Variants in PPM1H observed in about 807,000 individuals in gnomAD.
PPM1H encodes the protein protein phosphatase, Mg2+/Mn2+ dependent 1H, also known as protein phosphatase 1H.
A neutral mutation model predicts 54.9 loss-of-function variants in PPM1H; 27 were observed. The ratio of observed to expected loss-of-function variants is 0.49; its 90% CI spans 0.36 to 0.68. The LOEUF (loss-of-function observed/expected upper bound fraction) is 0.68. PPM1H is among the 30% of genes least tolerant of loss of function. The pLI, the probability that PPM1H is intolerant of heterozygous loss-of-function variation, is 0.00. For missense variants in PPM1H, 596 were observed against 667.8 expected, an observed-to-expected ratio of 0.89 and a Z score of 1.19; for synonymous variants, 305 against 270.8, an observed-to-expected ratio of 1.13 and a Z score of -1.24.
chr12:62,835,720 T>C (rs1352065708), intron 1 of PPM1H, among the ~76,000 whole-genome samples: 3 of 151,966 alleles, frequency 2.0e-5, no homozygotes, highest in Non-Finnish European at 4.4e-5. Flanking sequence ...CAATTTAAAG[T>C]CACTGTGTTT....
chr12:62,698,597 C>T (rs543818127), intron 6 of PPM1H, among the ~76,000 whole-genome samples: 33 of 151,992 alleles, frequency 2.2e-4, no homozygotes, highest in African/African-American at 7.7e-4. Context: ...AAAAATGGTA[C>T]CCGGAACTGA....
intron 1 of PPM1H, among the ~76,000 whole-genome samples, chr12:62,917,094 C>A (rs1440615688): frequency 6.6e-6 from 1 of 152,212 alleles, no homozygotes; most frequent in Non-Finnish European, 1.5e-5. Flanking sequence ...ATTTTCAAAA[C>A]CAAACCTCAA....
intron 5 of PPM1H, among the ~76,000 whole-genome samples, chr12:62,721,774 T>C (rs1243953753): frequency 1.3e-5 from 2 of 152,218 alleles, no homozygotes; most frequent in Admixed American, 6.5e-5. Flanking sequence ...ATGAGATTAA[T>C]TATATATCCC....
chr12:62,791,764 T>G (rs2076702483), intron 3 of PPM1H, among the ~76,000 whole-genome samples: 1 of 151,534 alleles, frequency 6.6e-6, no homozygotes, highest in Non-Finnish European at 1.5e-5. Context: ...CTACTAAAAA[T>G]ACAAAAAAAG....
intron 4 of PPM1H, among the ~76,000 whole-genome samples, chr12:62,757,668 A>G (rs1324219444): frequency 6.6e-6 from 1 of 152,216 alleles, no homozygotes; most frequent in Non-Finnish European, 1.5e-5. Flanking sequence ...CAATAGAATT[A>G]TTGAAAGGCA....
chr12:62,899,458 T>C (rs1871092155), intron 1 of PPM1H, among the ~76,000 whole-genome samples: 1 of 152,088 alleles, frequency 6.6e-6, no homozygotes, highest in Non-Finnish European at 1.5e-5. Flanking sequence ...TGAAACTAGA[T>C]GGTAAATCAA....
At chr12:62,755,248 A>G in intron 4 of PPM1H, 1 of 726,356 alleles carries the variant, frequency 1.4e-6, no homozygotes, top group Non-Finnish European at 2.5e-6. Flanking sequence ...GATCAAAGTC[A>G]ATGGATTTGG....
chr12:62,872,937 C>T (rs1042677087), intron 1 of PPM1H, among the ~76,000 whole-genome samples: 2 of 152,200 alleles, frequency 1.3e-5, no homozygotes, highest in Non-Finnish European at 2.9e-5. Flanking sequence ...ATTTTCAAAG[C>T]ATGTTTATAC....
At chr12:62,850,366 T>C (rs1869136294) in intron 1 of PPM1H, among the ~76,000 whole-genome samples, 3 of 152,124 alleles carry the variant, frequency 2.0e-5, no homozygotes, top group South Asian at 4.1e-4. Context: ...GTTTTAAACT[T>C]TCAAATTATT....
chr12:62,902,237 C>G (rs1301444518), intron 1 of PPM1H, among the ~76,000 whole-genome samples: 1 of 151,638 alleles, frequency 6.6e-6, no homozygotes, highest in Non-Finnish European at 1.5e-5. Flanking sequence ...GGTGGGCATC[C>G]CAGCTACTTG....
intron 6 of PPM1H, 114 bp downstream of exon 6, chr12:62,720,057 C>G: frequency 1.1e-6 from 1 of 895,980 alleles, no homozygotes; most frequent in Non-Finnish European, 1.8e-6. Context: ...TTACCACAAA[C>G]CCTGGTCTCT....
chr12:62,713,689 C>T (rs1017962312), intron 6 of PPM1H, among the ~76,000 whole-genome samples: 3 of 152,110 alleles, frequency 2.0e-5, no homozygotes, highest in Non-Finnish European at 2.9e-5. Flanking sequence ...CTCTTTGGGG[C>T]CAGGTTTGGT....
chr12:62,906,116 T>C (rs759157611), intron 1 of PPM1H, among the ~76,000 whole-genome samples: 2 of 152,194 alleles, frequency 1.3e-5, no homozygotes, highest in Non-Finnish European at 1.5e-5. Context: ...CAAAAATAAC[T>C]AGATCAGTTA....
intron 8 of PPM1H, among the ~76,000 whole-genome samples, chr12:62,689,309 G>A (rs1238070397): frequency 6.6e-6 from 1 of 152,196 alleles, no homozygotes; most frequent in African/African-American, 2.4e-5. Context: ...GATCAGAGAA[G>A]TCCAGACCAA....
chr12:62,913,115 A>C (rs899676430), intron 1 of PPM1H, among the ~76,000 whole-genome samples: 6 of 152,212 alleles, frequency 3.9e-5, no homozygotes, highest in African/African-American at 4.8e-5. Flanking sequence ...TCAAGTTCCA[A>C]AGAAAGTGAT....
At chr12:62,719,452 G>A (rs73312431) in intron 6 of PPM1H, among the ~76,000 whole-genome samples, 107 of 152,192 alleles carry the variant, frequency 7.0e-4, no homozygotes, top group African/African-American at 2.4e-3. Flanking sequence ...CAGGCACTGC[G>A]CTCTCATTTA....
chr12:62,834,194 G>A (rs1467572325), intron 1 of PPM1H, among the ~76,000 whole-genome samples: 1 of 152,156 alleles, frequency 6.6e-6, no homozygotes, highest in African/African-American at 2.4e-5. Flanking sequence ...GGCCTCGGGG[G>A]CTTATCACAC....
In PPM1H at chr12:62,802,035, G is replaced by C; in HGVS notation, c.537C>G (p.Asp179Glu). 6.2e-7 allele frequency: 1 copy of C among 1,613,470 alleles called. No individual in the cohort carries two copies. The highest frequency in any genetic ancestry group is 8.5e-7 in the Non-Finnish European group (1 of 1,179,784). ...GCAGGACGGCGGAGTTCTTCAGGAT[G>C]TCCACGATGTCCTGCAGCTGCTCCG... ...HITEQLQDIVDILKNSAVLPP... is the reference protein window; with the variant it reads ...HITEQLQDIVEILKNSAVLPP... The change falls in exon 3 of 10, where the codon GAC becomes GAG. Residue 179 changes from aspartate to glutamate, a missense_variant. By Grantham distance (45) the Asp-to-Glu change is conservative. Around this residue, in one of 3 missense-constraint regions of PPM1H, gnomAD observed 382 missense variants for 387.1 expected, o/e 0.99. Coordinates refer to ENST00000228705, the MANE Select transcript of PPM1H (RefSeq NM_020700.2).
intron 1 of PPM1H, among the ~76,000 whole-genome samples, chr12:62,871,656 A>G (rs905278144): frequency 1.3e-5 from 2 of 151,890 alleles, no homozygotes; most frequent in Non-Finnish European, 2.9e-5. Flanking sequence ...CTGGGACTAC[A>G]GGCATGTGTC....
Sources: allele counts gnomAD v4.1 joint callset (sites outside exome capture counted in the v4.1 genomes callset), GRCh38; gene constraint gnomAD v4.1.1; regional missense constraint gnomAD v4.1.1; transcripts MANE v1.5; gene names NCBI Gene and HGNC (gene_info 2026-07-23, HGNC 2026-07-21).